The following B3GALT1 variants were observed in gnomAD, a reference collection of about 807,000 sequenced individuals.
B3GALT1 encodes UDP-Gal:betaGlcNAc beta 1,3-galactosyltransferase, polypeptide 1.
B3GALT1 carries 10 observed loss-of-function variants against 23.2 expected under a neutral mutation model. The observed-to-expected ratio is 0.43, with a 90% CI of 0.27 to 0.73. The LOEUF (loss-of-function observed/expected upper bound fraction) is 0.73, where lower values mean the gene tolerates loss of function less well. Among genes scored for constraint, B3GALT1 ranks in the 30% least tolerant of loss-of-function variants. The pLI is 0.21. For synonymous variants in B3GALT1, 156 were observed against 141.5 expected, an observed-to-expected ratio of 1.10 and a Z score of -0.73; for missense variants, 299 against 405.4, an observed-to-expected ratio of 0.74 and a Z score of 2.25.
At chr2:167,307,389 AG>A (rs1210993390) in intron 1 of B3GALT1, among the ~76,000 whole-genome samples, 3 of 152,096 alleles carry the variant, frequency 2.0e-5, no homozygotes, top group Non-Finnish European at 4.4e-5. Flanking sequence ...AGTTAATTTC[AG>A]AGAGACTACA....
intron 2 of B3GALT1, among the ~76,000 whole-genome samples, chr2:167,574,081 C>T (rs1226097615): frequency 1.3e-5 from 2 of 151,554 alleles, no homozygotes; most frequent in Non-Finnish European, 3.0e-5. Context: ...ATTTTGTTTA[C>T]AGAACTTTAC....
intron 3 of B3GALT1, among the ~76,000 whole-genome samples, chr2:167,758,490 A>G (rs1008256586): frequency 3.9e-5 from 6 of 152,194 alleles, no homozygotes; most frequent in Non-Finnish European, 7.3e-5. Flanking sequence ...CTAATGGGTC[A>G]TGGAGCACTG....
rs200766737 is a variant in B3GALT1, at chr2:167,572,674, A to G, written c.-409-74235A>G. ...ACCTCCACTTTGCACTGAGTGTTTC[A>G]TTTGTCTGGAATTGGATCTTTTGTT... is the stretch of plus-strand genomic sequence containing the variant. On this transcript the variant is annotated intron_variant, in intron 2 of 4. Coordinates refer to ENST00000392690, the MANE Select transcript of B3GALT1 (RefSeq NM_020981.4). Among the ~76,000 whole-genome samples the G allele has an allele frequency of 4.6e-5, 7 of 151,792 alleles. No homozygotes were observed. In the East Asian group the frequency reaches 1.4e-3, roughly 29 times the overall value.
At chr2:167,682,891 T>C (rs1686557506) in intron 3 of B3GALT1, among the ~76,000 whole-genome samples, 1 of 152,246 alleles carries the variant, frequency 6.6e-6, no homozygotes, top group Admixed American at 6.5e-5. Context: ...TTGATAAAAT[T>C]AGAAATCTGT....
chr2:167,410,894 T>G (rs1467445747), intron 1 of B3GALT1, among the ~76,000 whole-genome samples: 1 of 152,126 alleles, frequency 6.6e-6, no homozygotes, highest in African/African-American at 2.4e-5. Context: ...TAAGTGTCAC[T>G]TATGACCTCT....
intron 3 of B3GALT1, chr2:167,714,075 C>T: frequency 6.5e-7 from 1 of 1,535,288 alleles, no homozygotes; most frequent in Non-Finnish European, 9.0e-7. Flanking sequence ...TCTTTGGCAT[C>T]ATTTCTAGTG....
intron 2 of B3GALT1, among the ~76,000 whole-genome samples, chr2:167,541,366 TGA>T (rs890982279): frequency 6.6e-6 from 1 of 152,148 alleles, no homozygotes. Flanking sequence ...TGACATCAGA[TGA>T]GAAAAATCCT....
intron 3 of B3GALT1, among the ~76,000 whole-genome samples, chr2:167,710,416 C>A (rs528921401): frequency 6.6e-6 from 1 of 152,242 alleles, no homozygotes; most frequent in East Asian, 1.9e-4. Context: ...ACGAGGAAAC[C>A]GTGGCTCTTT....
At chr2:167,795,178 TG>T (rs1454378815) in intron 3 of B3GALT1, among the ~76,000 whole-genome samples, 1 of 152,200 alleles carries the variant, frequency 6.6e-6, no homozygotes, top group East Asian at 1.9e-4. Flanking sequence ...AAAGTTCTAT[TG>T]GAAAACTATC....
intron 2 of B3GALT1, among the ~76,000 whole-genome samples, chr2:167,511,678 C>T (rs1231587190): frequency 1.3e-5 from 2 of 151,904 alleles, no homozygotes; most frequent in African/African-American, 4.8e-5. Context: ...TTAGGAAAGT[C>T]TTCCAAATGT....
intron 1 of B3GALT1, among the ~76,000 whole-genome samples, chr2:167,434,347 C>T (rs550714813): frequency 1.3e-5 from 2 of 152,200 alleles, no homozygotes; most frequent in South Asian, 4.1e-4. Flanking sequence ...AGGAAGACTT[C>T]CACATCAACC....
chr2:167,474,624 G>A (rs1699466098), intron 1 of B3GALT1, among the ~76,000 whole-genome samples: 1 of 152,096 alleles, frequency 6.6e-6, no homozygotes, highest in East Asian at 1.9e-4. Flanking sequence ...CCCCAAAGTT[G>A]TATAAGATTC....
At chr2:167,319,116 T>A (rs942309018) in intron 1 of B3GALT1, among the ~76,000 whole-genome samples, 12 of 152,112 alleles carry the variant, frequency 7.9e-5, no homozygotes, top group Non-Finnish European at 1.8e-4. Context: ...GGACTCTTTG[T>A]GGGGAATGGT....
chr2:167,670,352 A>G (rs1374371047), intron 3 of B3GALT1, among the ~76,000 whole-genome samples: 3 of 152,216 alleles, frequency 2.0e-5, no homozygotes, highest in Non-Finnish European at 2.9e-5. Flanking sequence ...AGGCACACCC[A>G]TAGAAAAAGT....
At chr2:167,820,556 C>T (rs1481198738) in intron 4 of B3GALT1, among the ~76,000 whole-genome samples, 1 of 152,210 alleles carries the variant, frequency 6.6e-6, no homozygotes, top group East Asian at 1.9e-4. Context: ...TTTTCTCCTT[C>T]AGCCTGGAGC....
At chr2:167,446,524 T>G (rs995848599) in intron 1 of B3GALT1, among the ~76,000 whole-genome samples, 30 of 152,202 alleles carry the variant, frequency 2.0e-4, no homozygotes, top group Non-Finnish European at 3.4e-4. Flanking sequence ...ATTTGGTCTT[T>G]TCACATGGTC....
intron 3 of B3GALT1, among the ~76,000 whole-genome samples, chr2:167,745,877 T>C (rs551215035): frequency 6.6e-6 from 1 of 152,220 alleles, no homozygotes; most frequent in Non-Finnish European, 1.5e-5. Flanking sequence ...ATATCTCCTC[T>C]GTTATCTCTA....
At chr2:167,848,037 C>A (rs1490074650) in intron 4 of B3GALT1, among the ~76,000 whole-genome samples, 1 of 151,964 alleles carries the variant, frequency 6.6e-6, no homozygotes, top group Non-Finnish European at 1.5e-5. Flanking sequence ...TAGCTTAAAT[C>A]AGGAAGAATT....
At chr2:167,772,448 G>T in intron 3 of B3GALT1, among the ~76,000 whole-genome samples, 1 of 152,122 alleles carries the variant, frequency 6.6e-6, no homozygotes, top group East Asian at 1.9e-4. Context: ...CTGCCTTAAA[G>T]TTGCACTACT....
Sources: allele counts gnomAD v4.1 joint callset (sites outside exome capture counted in the v4.1 genomes callset), GRCh38; gene constraint gnomAD v4.1.1; transcripts MANE v1.5; gene names NCBI Gene and HGNC (gene_info 2026-07-23, HGNC 2026-07-21).